The following TRIM54 variants were observed in gnomAD, a reference collection of about 807,000 sequenced individuals.
TRIM54 encodes the protein tripartite motif-containing protein 54.
Under a neutral mutation model 42.0 loss-of-function variants are expected in TRIM54, and 40 were observed. That is an observed-to-expected ratio of 0.95 (90% CI 0.74 to 1.24). TRIM54 has a LOEUF of 1.24. Among genes scored for constraint, TRIM54 ranks in the 50% most tolerant of loss-of-function variants. TRIM54 has a pLI of 0.00. For missense variants in TRIM54, 485 were observed against 480.3 expected (o/e 1.01, Z -0.09); for synonymous variants, 199 against 194.9 (o/e 1.02, Z -0.17).
intron 1 of TRIM54, among the ~76,000 whole-genome samples, chr2:27,286,193 TTA>T (rs1429379734): frequency 6.6e-6 from 1 of 151,810 alleles, no homozygotes; most frequent in African/African-American, 2.4e-5. Context: ...TGGTGTCACA[TTA>T]TGTTACCCAG....
chr2:27,285,631 T>C (rs1678535952), intron 1 of TRIM54, among the ~76,000 whole-genome samples: 1 of 152,230 alleles, frequency 6.6e-6, no homozygotes, highest in Non-Finnish European at 1.5e-5. Flanking sequence ...TGCATGTATA[T>C]GTGTTCTCAG....
chr2:27,292,723 C>G (rs1220620083), intron 1 of TRIM54, among the ~76,000 whole-genome samples: 1 of 152,134 alleles, frequency 6.6e-6, no homozygotes, highest in African/African-American at 2.4e-5. Context: ...TCCCTACTCC[C>G]CCTCCTTCCA....
intron 3 of TRIM54, 153 bp downstream of exon 3, chr2:27,299,569 G>A: frequency 6.7e-7 from 1 of 1,500,300 alleles, no homozygotes; most frequent in Non-Finnish European, 9.0e-7. Context: ...GGAGTGCAGT[G>A]GCACAAACAC....
intron 1 of TRIM54, among the ~76,000 whole-genome samples, chr2:27,292,336 T>G (rs1201673460): frequency 6.6e-6 from 1 of 152,166 alleles, no homozygotes; most frequent in Non-Finnish European, 1.5e-5. Flanking sequence ...TTTGGGAGGC[T>G]GAGGTAGGAG....
At chr2:27,294,662 TG>T (rs1299464228) in intron 1 of TRIM54, among the ~76,000 whole-genome samples, 2 of 151,632 alleles carry the variant, frequency 1.3e-5, no homozygotes, top group Admixed American at 1.3e-4. Context: ...GAGGCTGAGG[TG>T]GGCGGATCAT....
intron 3 of TRIM54, among the ~76,000 whole-genome samples, chr2:27,303,850 A>G (rs1027595267): frequency 7.2e-5 from 11 of 152,346 alleles, no homozygotes; most frequent in African/African-American, 2.4e-4. Context: ...ATTGGAAGTC[A>G]CTATAAATCA....
intron 1 of TRIM54, among the ~76,000 whole-genome samples, chr2:27,292,509 C>T (rs771362794): frequency 5.3e-5 from 8 of 152,140 alleles, no homozygotes; most frequent in African/African-American, 9.7e-5. Flanking sequence ...GAAGTTGAGA[C>T]GACAGAGAGA....
chr2:27,304,888 C>A (rs1679144317), intron 3 of TRIM54, 71 bp from the exon 4 acceptor site: 2 of 1,429,130 alleles, frequency 1.4e-6, no homozygotes, highest in South Asian at 2.4e-5. Context: ...TCCTAGGCAA[C>A]CCTGGCTGGG....
At position 27,307,055 on chromosome 2, in the gene TRIM54, T is replaced by C; in HGVS notation, c.*170T>C. ...CGCTGCCCAACCCCGCAGCCTGGGC[T>C]TCGAAGGCGACCCGCCCACCATCCT... On this transcript the variant is annotated 3_prime_UTR_variant, in exon 9 of 9. Coordinates refer to ENST00000380075, the MANE Select transcript of TRIM54 (RefSeq NM_187841.3). The surrounding 1 kb of genome is among the most constrained non-coding windows in gnomAD (Gnocchi z 6.9). The C allele has an allele frequency of 4.4e-6, 1 of 225,426 alleles. No homozygotes were observed. The highest frequency in any genetic ancestry group is 7.0e-5 in the South Asian group (1 of 14,344). The allele number at this position is 225,426 out of a possible 1,614,324, so 14.0% of individuals were successfully genotyped here.
Position 27,284,290 on chromosome 2 carries a change from A to C in TRIM54, c.168+1391A>C, listed in dbSNP as rs116073537. Among the ~76,000 whole-genome samples the C allele has an allele frequency of 5.0e-3, 768 of 152,322 alleles. 4 individuals are homozygous for C. Among genetic ancestry groups the C allele is most frequent in the African/African-American group, 0.018 (731 of 41,568 alleles). ...CAAGTGATTTTTAACCTAACCAAGA[A>C]AATACTTCCCTTTTTAAGTTCCTTG... is the stretch of plus-strand genomic sequence containing the variant. On this transcript the variant is annotated intron_variant, in intron 1 of 8. Coordinates refer to ENST00000380075, the MANE Select transcript of TRIM54 (RefSeq NM_187841.3).
At chr2:27,295,547 C>G (rs1479401382) in intron 1 of TRIM54, among the ~76,000 whole-genome samples, 1 of 152,040 alleles carries the variant, frequency 6.6e-6, no homozygotes, top group Admixed American at 6.6e-5. Flanking sequence ...ACCTCATGAT[C>G]CACCCACCTC....
intron 3 of TRIM54, among the ~76,000 whole-genome samples, chr2:27,304,537 A>T (rs1679133641): frequency 1.3e-5 from 2 of 150,294 alleles, no homozygotes; most frequent in African/African-American, 4.9e-5. Flanking sequence ...CTGGGAGATG[A>T]TGAGAAGGCT....
chr2:27,289,446 C>T (rs1037135628), intron 1 of TRIM54, among the ~76,000 whole-genome samples: 3 of 151,936 alleles, frequency 2.0e-5, no homozygotes, highest in Non-Finnish European at 4.4e-5. Context: ...CCTCCCAAGT[C>T]GCTGGGATTA....
At position 27,282,564 on chromosome 2, in the gene TRIM54, A is replaced by T; in HGVS notation, c.-168A>T. 1 of 649,970 alleles carries T rather than the reference A, an allele frequency of 1.5e-6. No individual in the cohort carries two copies. Among genetic ancestry groups the T allele is most frequent in the Non-Finnish European group, 2.5e-6 (1 of 397,506 alleles). The allele number at this position is 649,970 out of a possible 1,614,324, so 40.3% of individuals were successfully genotyped here. A position where few individuals can be genotyped will look rare whatever the true frequency, so the allele number is the denominator to read the frequency against. ...AGCAGAAAGTAGAGACTGTCCGAAG[A>T]CTGCTATCTGGGACGAGACAAGTTG... On this transcript the variant is annotated 5_prime_UTR_variant, in exon 1 of 9. Transcript: ENST00000380075.
rs1334798499 is a variant in TRIM54, at chr2:27,304,952, G to A, written c.514-7G>A. ...CAGCTCTGAGTGCTGACCTGTGTGT[G>A]TATCAGAGTGAGCTCAGCGATGGCA... On this transcript the variant is annotated splice_polypyrimidine_tract_variant and splice_region_variant and intron_variant, in intron 3 of 8. Coordinates refer to ENST00000380075, the MANE Select transcript of TRIM54 (RefSeq NM_187841.3). 5 of 1,613,302 alleles carry A rather than the reference G, an allele frequency of 3.1e-6. No homozygotes were observed. Among genetic ancestry groups the A allele is most frequent in the African/African-American group, 1.3e-5 (1 of 74,940 alleles).
At position 27,282,556 on chromosome 2, in the gene TRIM54, G is replaced by A; in HGVS notation, c.-176G>A. The A allele has an allele frequency of 1.6e-6, 1 of 607,762 alleles. No individual in the cohort carries two copies. Among genetic ancestry groups the A allele is most frequent in the Non-Finnish European group, 2.7e-6 (1 of 364,304 alleles). The allele number at this position is 607,762 out of a possible 1,614,324, so 37.6% of individuals were successfully genotyped here. A position where few individuals can be genotyped will look rare whatever the true frequency, so the allele number is the denominator to read the frequency against. On this transcript the variant is annotated 5_prime_UTR_variant, in exon 1 of 9. Transcript: ENST00000380075. ...GGGTGCAGAGCAGAAAGTAGAGACT[G>A]TCCGAAGACTGCTATCTGGGACGAG...
chr2:27,298,773 CAG>C (rs1678942603), intron 2 of TRIM54, 34 bp downstream of exon 2: 1 of 1,606,506 alleles, frequency 6.2e-7, no homozygotes, highest in South Asian at 1.1e-5. Context: ...TCTCTCATGA[CAG>C]GGCTTGGGAC....
intron 1 of TRIM54, among the ~76,000 whole-genome samples, chr2:27,293,043 T>C (rs1310843245): frequency 1.3e-5 from 2 of 152,252 alleles, no homozygotes; most frequent in Non-Finnish European, 2.9e-5. Flanking sequence ...CTCTTTGTTT[T>C]TGTTATTTCT....
chr2:27,282,846 A>T lies in TRIM54; in HGVS notation c.115A>T (p.Ile39Phe). ...GGAGATGTTCTCCAAACCAGTGGTG[A>T]TCCTGCCCTGCCAACACAACCTGTG... ...CLEMFSKPVV[I>F]LPCQHNLCRK... The change falls in exon 1 of 9, where the codon ATC becomes TTC. Residue 39 changes from isoleucine to phenylalanine, a missense_variant. Physicochemically the swap from Ile to Phe is conservative, Grantham distance 21. Coordinates refer to ENST00000380075, the MANE Select transcript of TRIM54 (RefSeq NM_187841.3). 1.2e-6 allele frequency: 2 copies of T among 1,613,936 alleles called. No individual in the cohort carries two copies. Among genetic ancestry groups the T allele is most frequent in the Middle Eastern group, 1.6e-4 (1 of 6,062 alleles).
Sources: allele counts gnomAD v4.1 joint callset (sites outside exome capture counted in the v4.1 genomes callset), GRCh38; gene constraint gnomAD v4.1.1; non-coding constraint Gnocchi (gnomAD v3.1); transcripts MANE v1.5; gene names NCBI Gene and HGNC (gene_info 2026-07-23, HGNC 2026-07-21).